Variants in ABCA10 observed in about 807,000 individuals in gnomAD.
ABCA10 encodes ATP-binding cassette sub-family A member 10.
ABCA10 carries 169 observed loss-of-function variants against 187.5 expected under a neutral mutation model. The ratio of observed to expected loss-of-function variants is 0.90; its 90% CI spans 0.80 to 1.02. ABCA10 has a LOEUF of 1.02. Ranked by LOEUF, ABCA10 falls within the 50% of genes least tolerant of loss-of-function variation. The probability of loss-of-function intolerance (pLI) is 0.00; values close to 1 mark genes in which losing one functional copy is unlikely to be tolerated. For synonymous variants in ABCA10, 574 were observed against 601.8 expected, an observed-to-expected ratio of 0.95 and a Z score of 0.68; for missense variants, 1,727 against 1,812.4, an observed-to-expected ratio of 0.95 and a Z score of 0.86.
At chr17:69,194,339 C>G (rs909614538) in intron 12 of ABCA10, 46 bp downstream of exon 12, 2 of 1,490,644 alleles carry the variant, frequency 1.3e-6, no homozygotes, top group Admixed American at 1.7e-5. Flanking sequence ...AACCAATTTA[C>G]AACTTGCTTT....
chr17:69,162,334 G>C (rs950655702), intron 27 of ABCA10, among the ~76,000 whole-genome samples: 5 of 152,220 alleles, frequency 3.3e-5, no homozygotes, highest in Non-Finnish European at 7.3e-5. Context: ...AAGCAAAAGT[G>C]AATTAGTCAA....
At chr17:69,165,123 T>A in intron 25 of ABCA10, 40 bp from the exon 26 acceptor site, 1 of 1,447,512 alleles carries the variant, frequency 6.9e-7, no homozygotes, top group Non-Finnish European at 9.6e-7. Context: ...TTCTCAGTTA[T>A]ATTTGATATC....
intron 23 of ABCA10, 67 bp from the exon 24 acceptor site, chr17:69,174,844 A>T (rs1054138849): frequency 4.4e-6 from 6 of 1,352,450 alleles, no homozygotes; most frequent in Middle Eastern, 2.1e-4. Flanking sequence ...TTATGTAAAA[A>T]AAATTGTTTA....
intron 22 of ABCA10, among the ~76,000 whole-genome samples, chr17:69,178,647 T>C (rs2074354729): frequency 6.6e-6 from 1 of 152,130 alleles, no homozygotes; most frequent in Non-Finnish European, 1.5e-5. Flanking sequence ...AAAAGGGAAA[T>C]TGTGACTGAA....
chr17:69,184,033 G>T (rs1446120111), intron 20 of ABCA10, among the ~76,000 whole-genome samples: 1 of 152,090 alleles, frequency 6.6e-6, no homozygotes, highest in Non-Finnish European at 1.5e-5. Context: ...TGTTGTAGGG[G>T]CATTGAGACC....
chr17:69,207,856 T>C (rs74330534), intron 9 of ABCA10, among the ~76,000 whole-genome samples: 2,916 of 152,236 alleles, frequency 0.019, 104 homozygotes, highest in African/African-American at 0.067. Context: ...AGAGACCCAT[T>C]GTACAACATG....
chr17:69,154,367 T>A (rs781767345), intron 30 of ABCA10, 41 bp from the exon 31 acceptor site: 2 of 1,454,990 alleles, frequency 1.4e-6, no homozygotes, highest in South Asian at 1.2e-5. Context: ...ATTTTCAAGG[T>A]TGACTAATCT....
intron 25 of ABCA10, among the ~76,000 whole-genome samples, chr17:69,172,506 C>T (rs1395955723): frequency 6.6e-6 from 1 of 152,128 alleles, no homozygotes; most frequent in Non-Finnish European, 1.5e-5. Context: ...AAGAAATCAA[C>T]CTTGCCAATA....
At chr17:69,167,850 TA>T (rs1568053587) in intron 25 of ABCA10, among the ~76,000 whole-genome samples, 2 of 151,948 alleles carry the variant, frequency 1.3e-5, no homozygotes, top group Admixed American at 6.6e-5. Context: ...TTTGGAGAAA[TA>T]AAAAAGCAAA....
intron 27 of ABCA10, among the ~76,000 whole-genome samples, chr17:69,157,990 C>T (rs553266101): frequency 2.0e-5 from 3 of 151,584 alleles, no homozygotes; most frequent in Admixed American, 1.3e-4. Flanking sequence ...ATAAATTAAT[C>T]ATTCTTAACA....
At chr17:69,171,892 T>G (rs2074300581) in intron 25 of ABCA10, among the ~76,000 whole-genome samples, 1 of 135,804 alleles carries the variant, frequency 7.4e-6, no homozygotes, top group South Asian at 2.2e-4. Flanking sequence ...TATAGCTAAC[T>G]GACCTGTTAA....
upstream of ABCA10, among the ~76,000 whole-genome samples, chr17:69,229,488 G>A (rs1346847347): frequency 6.6e-6 from 1 of 151,702 alleles, no homozygotes; most frequent in African/African-American, 2.4e-5. Context: ...TTCTCAGAAT[G>A]GCAAATAATG....
intron 36 of ABCA10, 137 bp from the exon 37 acceptor site, chr17:69,150,200 G>C: frequency 1.8e-6 from 1 of 552,192 alleles, no homozygotes; most frequent in Non-Finnish European, 3.1e-6. Flanking sequence ...GAATCAGTGT[G>C]AAATTACAGA....
chr17:69,150,018 G>A lies in ABCA10; in HGVS notation c.4443C>T (p.His1481=), dbSNP rs778159091. ...ACTTGAAAAAGGCCCGAGATAGAGG[G>A]TGGACATCCTCCACAGGTAACTTAT... The part of the protein sequence containing the change: ...MAYKLPVEDV[H]PLSRAFFKLE... Residue 1481 remains histidine, a synonymous_variant, in exon 37 of 39, where the codon CAC becomes CAT. Coordinates refer to ENST00000690296, the MANE Select transcript of ABCA10 (RefSeq NM_001377321.1). 1.9e-6 allele frequency: 3 copies of A among 1,613,178 alleles called. No homozygotes were observed. Among genetic ancestry groups the A allele is most frequent in the Non-Finnish European group, 2.5e-6 (3 of 1,179,436 alleles).
Position 69,222,727 on chromosome 17 carries a change from A to G in ABCA10, c.35-30T>C, listed in dbSNP as rs909675872. The G allele has an allele frequency of 2.6e-6, 4 of 1,536,138 alleles. No homozygotes were observed. In the African/African-American group the frequency reaches 5.7e-5, roughly 22 times the overall value. ...CATGTATGAAAAACATAAATAAATA[A>G]TCATGTAAACTTATTACTAGAGGAC... On this transcript the variant is annotated intron_variant, in intron 3 of 38. Coordinates refer to ENST00000690296, the MANE Select transcript of ABCA10 (RefSeq NM_001377321.1).
intron 21 of ABCA10, 92 bp from the exon 22 acceptor site, chr17:69,182,382 G>C (rs1598100792): frequency 9.0e-7 from 1 of 1,109,536 alleles, no homozygotes; most frequent in East Asian, 3.0e-5. Context: ...GAATTAGAAT[G>C]AGAAGGAGAC....
chr17:69,217,661 A>G (rs1194810940), intron 6 of ABCA10, among the ~76,000 whole-genome samples: 1 of 152,216 alleles, frequency 6.6e-6, no homozygotes, highest in Non-Finnish European at 1.5e-5. Context: ...TACTGAGTTA[A>G]GTAGTAAATT....
chr17:69,168,309 C>A (rs542283417), intron 25 of ABCA10, among the ~76,000 whole-genome samples: 14 of 152,066 alleles, frequency 9.2e-5, no homozygotes, highest in Non-Finnish European at 2.9e-5. Flanking sequence ...CTTACTCCGA[C>A]GTTGTTCAAG....
intron 7 of ABCA10, 61 bp from the exon 8 acceptor site, chr17:69,216,061 T>C: frequency 1.3e-6 from 2 of 1,568,016 alleles, no homozygotes; most frequent in Non-Finnish European, 1.7e-6. Flanking sequence ...AATAGCAATA[T>C]TCATCGATTT....
Sources: allele counts gnomAD v4.1 joint callset (sites outside exome capture counted in the v4.1 genomes callset), GRCh38; gene constraint gnomAD v4.1.1; transcripts MANE v1.5; gene names NCBI Gene and HGNC (gene_info 2026-07-23, HGNC 2026-07-21).